AAK1: variants seen among roughly 807,000 people sequenced by gnomAD.
The protein encoded by AAK1 is AP2-associated protein kinase 1.
In AAK1, 37 loss-of-function variants were observed where a neutral mutation model predicts 116.0. The ratio of observed to expected loss-of-function variants is 0.32; its 90% CI spans 0.25 to 0.42. The LOEUF (loss-of-function observed/expected upper bound fraction) is 0.42, where lower values mean the gene tolerates loss of function less well. AAK1 is among the 10% of genes least tolerant of loss of function. The pLI, the probability that AAK1 is intolerant of heterozygous loss-of-function variation, is 1.00. For missense variants in AAK1, 919 were observed against 1,170.6 expected, an observed-to-expected ratio of 0.79 and a Z score of 3.14; for synonymous variants, 458 against 439.9, an observed-to-expected ratio of 1.04 and a Z score of -0.51.
chr2:69,621,327 A>G lies in AAK1; in HGVS notation c.163+21551T>C, dbSNP rs538723707. ...TCTGTCTCTAACAAAAATACAAAAA[A>G]GATTAGCCGGGCTTGGTGGTGTGCA... On this transcript the variant is annotated intron_variant, in intron 2 of 21. Transcript: ENST00000409085. 6.6e-5 allele frequency among the ~76,000 whole-genome samples: 10 copies of G among 152,324 alleles called. No individual in the cohort carries two copies. The South Asian group carries it at 1.9e-3, about 28-fold the overall frequency.
chr2:69,474,352 T>C lies in AAK1; in HGVS notation c.*1517A>G, dbSNP rs1224995768. 1.0e-6 allele frequency: 1 copy of C among 985,744 alleles called. No homozygotes were observed. The highest frequency in any genetic ancestry group is 6.1e-5 in the Admixed American group (1 of 16,272). 61.1% of individuals were successfully genotyped at this position (985,744 alleles called of 1,614,324 possible). A position where few individuals can be genotyped will look rare whatever the true frequency, so the allele number is the denominator to read the frequency against. On this transcript the variant is annotated 3_prime_UTR_variant, in exon 22 of 22. Transcript: ENST00000409085. The stretch of plus-strand genomic sequence containing the variant: ...GGAAAAGAACAGGAGTGGGGTTCTC[T>C]GTGCCCACTTCTTTTCAAAAGGGTG...
rs952306255 is a variant in AAK1 at position 69,468,384 on chromosome 2, C to T, written c.*7485G>A. ...AGGTTTGCAGAGCCTTAAAGAAGGACAAGAGGGCCCTAAAACTCCTTGAAC... is the reference window on the plus strand; with the variant it reads ...AGGTTTGCAGAGCCTTAAAGAAGGATAAGAGGGCCCTAAAACTCCTTGAAC... On this transcript the variant is annotated 3_prime_UTR_variant, in exon 22 of 22. Transcript: ENST00000409085. 8 of 985,194 alleles carry T rather than the reference C, an allele frequency of 8.1e-6. No individual in the cohort carries two copies. The highest frequency in any genetic ancestry group is 6.2e-5 in the Admixed American group (1 of 16,254). 61.0% of individuals were successfully genotyped at this position (985,194 alleles called of 1,614,324 possible). A position where few individuals can be genotyped will look rare whatever the true frequency, so the allele number is the denominator to read the frequency against.
chr2:69,483,766 T>C (rs1675185265), intron 17 of AAK1, among the ~76,000 whole-genome samples: 1 of 152,170 alleles, frequency 6.6e-6, no homozygotes, highest in African/African-American at 2.4e-5. Context: ...AAAATTCACT[T>C]AAGCCCAAAA....
At position 69,471,196 on chromosome 2, in the gene AAK1, G is replaced by A. The variant is rs563984721; in HGVS notation, c.*4673C>T. ...AATTCAGGTCACTACATCAAAGTGT[G>A]AACCAAGAACGTGTCTTTAATTCTA... On this transcript the variant is annotated 3_prime_UTR_variant, in exon 22 of 22. Transcript: ENST00000409085. The A allele has an allele frequency of 1.0e-6, 1 of 985,460 alleles. No homozygotes were observed. The highest frequency in any genetic ancestry group is 1.7e-5 in the African/African-American group (1 of 57,368). 61.0% of individuals were successfully genotyped at this position (985,460 alleles called of 1,614,324 possible).
intron 2 of AAK1, among the ~76,000 whole-genome samples, chr2:69,566,348 C>T (rs1179166300): frequency 6.6e-6 from 1 of 151,984 alleles, no homozygotes; most frequent in Non-Finnish European, 1.5e-5. Context: ...TTTTTAATGT[C>T]AATCTCTCCT....
intron 3 of AAK1, among the ~76,000 whole-genome samples, chr2:69,546,150 G>C (rs1670915392): frequency 6.6e-6 from 1 of 151,966 alleles, no homozygotes; most frequent in Non-Finnish European, 1.5e-5. Context: ...GGCTGTGCAT[G>C]CTGGTTTAAG....
At chr2:69,480,792 G>C (rs188589986) in intron 19 of AAK1, 68 bp downstream of exon 19, 1 of 1,353,722 alleles carries the variant, frequency 7.4e-7, no homozygotes, top group African/African-American at 1.5e-5. Context: ...ACTGAGCCAG[G>C]TGAAAAGACT....
At chr2:69,601,658 A>G (rs1384847931) in intron 2 of AAK1, among the ~76,000 whole-genome samples, 7 of 151,156 alleles carry the variant, frequency 4.6e-5, no homozygotes, top group Admixed American at 1.3e-4. Context: ...CCCAAAGACC[A>G]TAGGTAGTGA....
Position 69,509,475 on chromosome 2 carries a change from G to T in AAK1, c.1777-15C>A. The T allele has an allele frequency of 6.3e-7, 1 of 1,588,226 alleles. No individual in the cohort carries two copies. The highest frequency in any genetic ancestry group is 8.6e-7 in the Non-Finnish European group (1 of 1,166,762). On this transcript the variant is annotated splice_polypyrimidine_tract_variant and intron_variant, in intron 13 of 21. Transcript: ENST00000409085. Reference sequence around the variant, plus strand: ...GGGGCTTGAATCTGCTAGGAAGAGAGACGGAAAGTGTTTCATTAAATTAAA... The same window carrying T: ...GGGGCTTGAATCTGCTAGGAAGAGATACGGAAAGTGTTTCATTAAATTAAA...
intron 2 of AAK1, among the ~76,000 whole-genome samples, chr2:69,596,254 T>C (rs1558989746): frequency 1.3e-5 from 2 of 149,032 alleles, no homozygotes; most frequent in Non-Finnish European, 3.0e-5. Flanking sequence ...AAAGTCTCAC[T>C]CTGTTGCTCA....
At chr2:69,506,394 C>T (rs2104961587) in intron 15 of AAK1, among the ~76,000 whole-genome samples, 1 of 152,298 alleles carries the variant, frequency 6.6e-6, no homozygotes, top group Admixed American at 6.5e-5. Flanking sequence ...GACAGGGTCT[C>T]ACTCTGTCAC....
At chr2:69,497,239 G>C (rs201872917) in intron 16 of AAK1, among the ~76,000 whole-genome samples, 45,057 of 149,224 alleles carry the variant, frequency 0.3, 9,432 homozygotes, top group African/African-American at 0.59. Flanking sequence ...CAGCCTAGTA[G>C]CCTAGTAGCT....
chr2:69,595,096 T>C, intron 2 of AAK1: 1 of 639,510 alleles, frequency 1.6e-6, no homozygotes, highest in Non-Finnish European at 2.9e-6. Context: ...AAAGCTAGGA[T>C]TTTGTTTCTT....
chr2:69,500,913 GATT>G (rs1218273855), intron 16 of AAK1, among the ~76,000 whole-genome samples: 1 of 151,812 alleles, frequency 6.6e-6, no homozygotes, highest in Non-Finnish European at 1.5e-5. Context: ...CAGGGACCTC[GATT>G]GTTAACGCTG....
chr2:69,519,832 C>A (rs1669684552), intron 11 of AAK1, among the ~76,000 whole-genome samples: 2 of 152,066 alleles, frequency 1.3e-5, no homozygotes, highest in Non-Finnish European at 2.9e-5. Context: ...AAACAATATT[C>A]TTCTGTGAAT....
At chr2:69,592,818 T>G (rs1669045139) in intron 2 of AAK1, among the ~76,000 whole-genome samples, 1 of 152,212 alleles carries the variant, frequency 6.6e-6, no homozygotes, top group Non-Finnish European at 1.5e-5. Flanking sequence ...TTCTTCACAT[T>G]CATGAAGACT....
chr2:69,525,665 G>C (rs1157974048), intron 9 of AAK1, among the ~76,000 whole-genome samples: 1 of 152,160 alleles, frequency 6.6e-6, no homozygotes, highest in Non-Finnish European at 1.5e-5. Flanking sequence ...AAGCCAAGGA[G>C]AGTTCCTCTG....
chr2:69,599,994 C>A (rs1018097945), intron 2 of AAK1, among the ~76,000 whole-genome samples: 1 of 148,102 alleles, frequency 6.8e-6, no homozygotes, highest in Non-Finnish European at 1.5e-5. Context: ...GTTGTCCAGG[C>A]TGGTCTTGAA....
chr2:69,581,403 T>C (rs538330203), intron 2 of AAK1, among the ~76,000 whole-genome samples: 5 of 152,134 alleles, frequency 3.3e-5, no homozygotes, highest in South Asian at 4.1e-4. Flanking sequence ...GCTGGTTTTG[T>C]TTTTTTAAAA....
Sources: gnomAD v4.1 joint callset for allele counts (sites outside exome capture counted in the v4.1 genomes callset) on GRCh38, gnomAD v4.1.1 for gene constraint, MANE v1.5 for transcripts, NCBI Gene and HGNC (gene_info 2026-07-23, HGNC 2026-07-21) for gene names.